Variants in RPH3A observed in about 807,000 individuals in gnomAD.
The protein encoded by RPH3A is rabphilin 3A.
RPH3A carries 48 observed loss-of-function variants against 102.2 expected under a neutral mutation model. The ratio of observed to expected loss-of-function variants is 0.47; its 90% CI spans 0.37 to 0.60. The LOEUF (loss-of-function observed/expected upper bound fraction) is 0.60, where lower values mean the gene tolerates loss of function less well. RPH3A is among the 20% of genes least tolerant of loss of function. The pLI is 0.00. For missense variants in RPH3A, 781 were observed against 910.1 expected (o/e 0.86, Z 1.83); for synonymous variants, 310 against 324.3 (o/e 0.96, Z 0.47).
intron 1 of RPH3A, among the ~76,000 whole-genome samples, chr12:112,754,653 A>G (rs1041830455): frequency 7.2e-5 from 11 of 152,240 alleles, no homozygotes; most frequent in African/African-American, 2.4e-4. Flanking sequence ...ATACTTTTCA[A>G]TAACAAAGAG....
intron 1 of RPH3A, among the ~76,000 whole-genome samples, chr12:112,658,871 G>A (rs1000436985): frequency 2.6e-5 from 4 of 152,130 alleles, no homozygotes; most frequent in Admixed American, 6.5e-5. Flanking sequence ...GGCCAACGGC[G>A]CCTCATGGTC....
chr12:112,670,068 T>C (rs149061248), intron 1 of RPH3A, among the ~76,000 whole-genome samples: 2 of 152,234 alleles, frequency 1.3e-5, no homozygotes, highest in East Asian at 3.8e-4. Flanking sequence ...GAAATAGTAT[T>C]GATGGATTAA....
chr12:112,645,290 T>C (rs1273419081), intron 1 of RPH3A, among the ~76,000 whole-genome samples: 1 of 152,214 alleles, frequency 6.6e-6, no homozygotes, highest in Admixed American at 6.5e-5. Flanking sequence ...TATGAGTTTT[T>C]GCTTTGTTTG....
intron 1 of RPH3A, among the ~76,000 whole-genome samples, chr12:112,706,656 C>T (rs975698291): frequency 2.6e-5 from 4 of 152,248 alleles, no homozygotes; most frequent in Admixed American, 2.6e-4. Context: ...GTGGTCCTGA[C>T]CGAGTGTCTC....
intron 1 of RPH3A, among the ~76,000 whole-genome samples, chr12:112,708,745 C>A (rs779442648): frequency 6.6e-6 from 1 of 152,064 alleles, no homozygotes; most frequent in Non-Finnish European, 1.5e-5. Flanking sequence ...AATTATCAAG[C>A]GCCCAGGGGA....
chr12:112,636,961 T>C (rs1238478956), intron 1 of RPH3A, among the ~76,000 whole-genome samples: 1 of 152,200 alleles, frequency 6.6e-6, no homozygotes. Flanking sequence ...AAGTAATGCC[T>C]ATGGGGCTCA....
intron 5 of RPH3A, among the ~76,000 whole-genome samples, chr12:112,852,139 C>G (rs575121112): frequency 1.1e-4 from 17 of 152,164 alleles, no homozygotes; most frequent in African/African-American, 4.1e-4. Flanking sequence ...TTTACTCCCC[C>G]GTCTGTACCT....
At chr12:112,757,340 C>G (rs1311295251) in intron 1 of RPH3A, among the ~76,000 whole-genome samples, 1 of 152,196 alleles carries the variant, frequency 6.6e-6, no homozygotes, top group African/African-American at 2.4e-5. Context: ...TAGTAGCCTT[C>G]TGCGGCAAAG....
chr12:112,852,537 T>C (rs906435434), intron 5 of RPH3A, among the ~76,000 whole-genome samples: 4 of 152,198 alleles, frequency 2.6e-5, no homozygotes, highest in Non-Finnish European at 5.9e-5. Flanking sequence ...ATAGCCACGC[T>C]AGCTAGAGTC....
In RPH3A at chr12:112,847,782, T is replaced by A; in HGVS notation, c.170T>A (p.Ile57Asn). The change falls in exon 5 of 22, where the codon ATC becomes AAC. Residue 57 changes from isoleucine to asparagine, a missense_variant. Ile to Asn is a moderately radical substitution (Grantham distance 149). Coordinates refer to ENST00000389385, the MANE Select transcript of RPH3A (RefSeq NM_001143854.2). ...GAGCTGACTGATGAGGAGAAAGAAA[T>A]CATCAACAGGGTGATTGCTCGAGCT... ...QEELTDEEKE[I>N]INRVIARAEK... The A allele has an allele frequency of 6.2e-7, 1 of 1,614,108 alleles. No homozygotes were observed. Among genetic ancestry groups the A allele is most frequent in the East Asian group, 2.2e-5 (1 of 44,878 alleles).
intron 1 of RPH3A, among the ~76,000 whole-genome samples, chr12:112,664,911 T>C (rs768477147): frequency 1.1e-4 from 17 of 151,704 alleles, no homozygotes; most frequent in Non-Finnish European, 2.4e-4. Context: ...AGCTGGGGAC[T>C]TAACACTCTC....
At chr12:112,798,571 A>G (rs2041279053) in intron 2 of RPH3A, among the ~76,000 whole-genome samples, 1 of 152,124 alleles carries the variant, frequency 6.6e-6, no homozygotes, top group Non-Finnish European at 1.5e-5. Context: ...GGTTTCTCGA[A>G]GTTCGTTGGG....
intron 4 of RPH3A, among the ~76,000 whole-genome samples, chr12:112,846,701 T>C (rs1226377473): frequency 1.3e-5 from 2 of 152,220 alleles, no homozygotes; most frequent in East Asian, 1.9e-4. Flanking sequence ...GAATTTCTAG[T>C]GGTGTTTACC....
chr12:112,757,755 A>G (rs2040831063), intron 1 of RPH3A, among the ~76,000 whole-genome samples: 1 of 152,018 alleles, frequency 6.6e-6, no homozygotes, highest in Non-Finnish European at 1.5e-5. Flanking sequence ...GGTGGTAGAG[A>G]GTGGGTCTAT....
At chr12:112,613,990 A>G (rs997925387) in intron 1 of RPH3A, among the ~76,000 whole-genome samples, 1 of 152,176 alleles carries the variant, frequency 6.6e-6, no homozygotes, top group Admixed American at 6.5e-5. Flanking sequence ...AGACATGATG[A>G]TAGCAGAGAT....
chr12:112,897,886 G>A lies in RPH3A; in HGVS notation c.*1106G>A, dbSNP rs1449727367. The A allele has an allele frequency of 6.6e-6, 1 of 152,282 alleles. No homozygotes were observed. The highest frequency in any genetic ancestry group is 1.9e-4 in the East Asian group (1 of 5,192). 9.4% of individuals were successfully genotyped at this position (152,282 alleles called of 1,614,324 possible). On this transcript the variant is annotated 3_prime_UTR_variant, in exon 22 of 22. Coordinates refer to ENST00000389385, the MANE Select transcript of RPH3A (RefSeq NM_001143854.2). ...GTGGGCTCCCCGGGTGGGCACGGAG[G>A]CATTTAGAAGACCAGGGCCATGGGT...
chr12:112,678,358 G>GAAGGA (rs2040202728), intron 1 of RPH3A, among the ~76,000 whole-genome samples: 3 of 147,320 alleles, frequency 2.0e-5, no homozygotes, highest in Admixed American at 6.7e-5. Flanking sequence ...GGAAGGAAAG[G>GAAGGA]AAGGAAGGAA....
At chr12:112,824,813 C>T (rs1449714026) in intron 2 of RPH3A, among the ~76,000 whole-genome samples, 2 of 152,250 alleles carry the variant, frequency 1.3e-5, no homozygotes, top group African/African-American at 4.8e-5. Context: ...GGGAAACATA[C>T]CCCTGGTGTG....
At position 112,828,347 on chromosome 12, in the gene RPH3A, C is replaced by T; in HGVS notation, c.29C>T (p.Ser10Phe). 1 of 1,610,412 alleles carries T rather than the reference C, an allele frequency of 6.2e-7. No individual in the cohort carries two copies. The highest frequency in any genetic ancestry group is 1.1e-5 in the South Asian group (1 of 90,234). Residue 10 changes from serine (S) to phenylalanine (F), a missense_variant, in exon 3 of 22, where the codon TCT (serine) becomes TTT (phenylalanine). Physicochemically the swap from Ser to Phe is radical, Grantham distance 155 (BLOSUM62 -2). Coordinates refer to ENST00000389385, the MANE Select transcript of RPH3A (RefSeq NM_001143854.2). MTDTVFSNS[S>F]NRWMYPSDRP... ...ACTGACACCGTGTTCAGCAACAGTT[C>T]TAACCGTTGGATGTACCCCAGTGAC...
Sources: gnomAD v4.1 joint callset for allele counts (sites outside exome capture counted in the v4.1 genomes callset) on GRCh38, gnomAD v4.1.1 for gene constraint, MANE v1.5 for transcripts, NCBI Gene and HGNC (gene_info 2026-07-23, HGNC 2026-07-21) for gene names.